Variants in MTUS2 observed in about 807,000 individuals in gnomAD.
MTUS2 encodes microtubule-associated tumor suppressor candidate 2.
A neutral mutation model predicts 114.1 loss-of-function variants in MTUS2; 40 were observed. That is an observed-to-expected ratio of 0.35 (90% CI 0.27 to 0.46). MTUS2 has a LOEUF of 0.46. MTUS2 is among the 20% of genes least tolerant of loss of function. The pLI, the probability that MTUS2 is intolerant of heterozygous loss-of-function variation, is 1.00. For missense variants in MTUS2, 1,679 were observed against 1,705.4 expected (o/e 0.98, Z 0.27); for synonymous variants, 688 against 672.0 (o/e 1.02, Z -0.37).
intron 1 of MTUS2, among the ~76,000 whole-genome samples, chr13:28,822,003 A>G (rs1322169434): frequency 1.3e-5 from 2 of 152,264 alleles, no homozygotes; most frequent in East Asian, 1.9e-4. Flanking sequence ...AGAAGTACCA[A>G]TGAAAGTTGA....
intron 8 of MTUS2, among the ~76,000 whole-genome samples, chr13:29,385,006 T>G (rs1872536321): frequency 6.6e-6 from 1 of 152,228 alleles, no homozygotes; most frequent in East Asian, 1.9e-4. Context: ...CATTCACATT[T>G]GTCTGTTCGT....
At chr13:29,293,754 A>G (rs1898817219) in intron 6 of MTUS2, among the ~76,000 whole-genome samples, 1 of 152,170 alleles carries the variant, frequency 6.6e-6, no homozygotes, top group South Asian at 2.1e-4. Flanking sequence ...TGTAGTTATT[A>G]AAAAATGAGA....
intron 4 of MTUS2, among the ~76,000 whole-genome samples, chr13:29,088,644 T>C (rs1369535488): frequency 6.6e-6 from 1 of 152,248 alleles, no homozygotes; most frequent in Non-Finnish European, 1.5e-5. Flanking sequence ...TGCTGCAATA[T>C]TGGGTTCATA....
intron 1 of MTUS2, among the ~76,000 whole-genome samples, chr13:28,824,117 C>T (rs1343078733): frequency 6.6e-6 from 1 of 152,218 alleles, no homozygotes; most frequent in Non-Finnish European, 1.5e-5. Context: ...TGGGATCACC[C>T]AGCCTCACTT....
chr13:29,433,745 T>G (rs925020397), intron 8 of MTUS2, among the ~76,000 whole-genome samples: 1 of 152,228 alleles, frequency 6.6e-6, no homozygotes, highest in Admixed American at 6.5e-5. Flanking sequence ...CCTATGAAGA[T>G]GAAGTTCTAC....
intron 5 of MTUS2, among the ~76,000 whole-genome samples, chr13:29,220,163 CT>C (rs1459615738): frequency 6.6e-6 from 1 of 151,872 alleles, no homozygotes; most frequent in Non-Finnish European, 1.5e-5. Flanking sequence ...GACCAGCTGA[CT>C]TTTTTGTTTT....
At chr13:29,473,848 A>G (rs926207841) in intron 9 of MTUS2, among the ~76,000 whole-genome samples, 2 of 114,824 alleles carry the variant, frequency 1.7e-5, no homozygotes, top group Non-Finnish European at 4.0e-5. Context: ...AAAGGATTAA[A>G]TGTTTTTACG....
chr13:29,292,886 G>A (rs916693780), intron 6 of MTUS2, among the ~76,000 whole-genome samples: 13 of 152,220 alleles, frequency 8.5e-5, no homozygotes, highest in African/African-American at 3.1e-4. Flanking sequence ...GGGAAAAAAA[G>A]AGCCTGCCAT....
intron 5 of MTUS2, among the ~76,000 whole-genome samples, chr13:29,148,478 T>TAG (rs1484695129): frequency 1.8e-4 from 10 of 55,030 alleles, no homozygotes; most frequent in East Asian, 1.3e-3. Context: ...TTTTCTTTTT[T>TAG]TTTTTTTTTT....
chr13:29,077,866 G>C (rs1425826811), intron 4 of MTUS2, among the ~76,000 whole-genome samples: 1 of 152,150 alleles, frequency 6.6e-6, no homozygotes, highest in African/African-American at 2.4e-5. Flanking sequence ...TATGATTTTA[G>C]TTGATTGAGA....
intron 2 of MTUS2, among the ~76,000 whole-genome samples, chr13:28,941,618 G>A (rs539185370): frequency 3.8e-4 from 58 of 152,134 alleles, no homozygotes; most frequent in African/African-American, 1.3e-3. Context: ...GTTTTGATAT[G>A]TTATTTTGGT....
chr13:29,503,074 T>C lies in MTUS2; in HGVS notation c.3978T>C (p.Asn1326=), dbSNP rs755904153. ...AGAAGAAGAGATTGAGCCGAACCAA[T>C]GAAGAGCTGCTTTGGAAGCTCCAAA... ...TQEKKRLSRT[N]EELLWKLQTG... The change falls in exon 16 of 16, where the codon AAT becomes AAC. Residue 1326 remains asparagine, a synonymous_variant. Coordinates refer to ENST00000612955, the MANE Select transcript of MTUS2 (RefSeq NM_001033602.4). 3.7e-6 allele frequency: 6 copies of C among 1,614,224 alleles called. No individual in the cohort carries two copies. Among genetic ancestry groups the C allele is most frequent in the Middle Eastern group, 3.3e-4 (2 of 6,062 alleles).
intron 5 of MTUS2, among the ~76,000 whole-genome samples, chr13:29,281,348 T>C (rs1220321239): frequency 2.0e-5 from 3 of 152,100 alleles, no homozygotes; most frequent in African/African-American, 7.2e-5. Context: ...AATAAGTGTT[T>C]ATTATATACA....
intron 2 of MTUS2, among the ~76,000 whole-genome samples, chr13:28,985,402 G>A (rs192110709): frequency 6.6e-6 from 1 of 152,248 alleles, no homozygotes; most frequent in East Asian, 1.9e-4. Context: ...ACAGAGTTTG[G>A]TCTTTAAAAA....
At chr13:28,984,353 TGG>T (rs1884485544) in intron 2 of MTUS2, among the ~76,000 whole-genome samples, 1 of 152,208 alleles carries the variant, frequency 6.6e-6, no homozygotes, top group Non-Finnish European at 1.5e-5. Context: ...TTCTTCCTTC[TGG>T]GGGAAATTTT....
rs546931526 is a variant in MTUS2 at position 29,502,654 on chromosome 13, C to T, written c.3897-339C>T. Among the ~76,000 whole-genome samples the T allele has an allele frequency of 3.9e-5, 6 of 152,396 alleles. No homozygotes were observed. In the East Asian group the frequency reaches 1.2e-3, roughly 29 times the overall value. ...ATTGCCAGCTGCGCGGCTGTCTCTC[C>T]TTTCGGAGCTTCCGGGCAGCATACC... On this transcript the variant is annotated intron_variant, in intron 15 of 15. Coordinates refer to ENST00000612955, the MANE Select transcript of MTUS2 (RefSeq NM_001033602.4).
intron 8 of MTUS2, among the ~76,000 whole-genome samples, chr13:29,372,820 C>A (rs543273030): frequency 6.6e-6 from 1 of 152,088 alleles, no homozygotes; most frequent in Non-Finnish European, 1.5e-5. Context: ...GCAAGGGATC[C>A]GAAAGATCTC....
intron 4 of MTUS2, among the ~76,000 whole-genome samples, chr13:29,036,829 C>A (rs1011212975): frequency 2.9e-5 from 1 of 35,048 alleles, no homozygotes; most frequent in African/African-American, 8.6e-5. Context: ...AGGATTGCAA[C>A]CCTTGTCTTT....
chr13:29,189,666 T>G (rs2139189330), intron 5 of MTUS2, among the ~76,000 whole-genome samples: 1 of 152,348 alleles, frequency 6.6e-6, no homozygotes, highest in African/African-American at 2.4e-5. Flanking sequence ...TTACTTTATT[T>G]ACTTAAAATA....
Sources: gnomAD v4.1 joint callset for allele counts (sites outside exome capture counted in the v4.1 genomes callset) on GRCh38, gnomAD v4.1.1 for gene constraint, MANE v1.5 for transcripts, NCBI Gene and HGNC (gene_info 2026-07-23, HGNC 2026-07-21) for gene names.